Variants in IFT43 observed in about 807,000 individuals in gnomAD.
The protein encoded by IFT43 is intraflagellar transport protein 43 homolog.
IFT43 carries 33 observed loss-of-function variants against 32.3 expected under a neutral mutation model. That is an observed-to-expected ratio of 1.02 (90% CI 0.77 to 1.37). IFT43 has a LOEUF of 1.37. IFT43 is among the 40% of genes most tolerant of loss of function. IFT43 has a pLI of 0.00. For missense variants in IFT43, 274 were observed against 265.9 expected, an observed-to-expected ratio of 1.03 and a Z score of -0.21; for synonymous variants, 93 against 98.2, an observed-to-expected ratio of 0.95 and a Z score of 0.31.
intron 2 of IFT43, among the ~76,000 whole-genome samples, chr14:75,992,628 C>T (rs1216779797): frequency 6.6e-6 from 1 of 152,156 alleles, no homozygotes; most frequent in African/African-American, 2.4e-5. Flanking sequence ...TCACTGCAGC[C>T]TTGAACTCCC....
chr14:76,081,281 A>G (rs185544941), intron 5 of IFT43, among the ~76,000 whole-genome samples: 110 of 152,370 alleles, frequency 7.2e-4, no homozygotes, highest in African/African-American at 2.5e-3. Context: ...AGCAGAAATG[A>G]AAGATGTCTT....
chr14:76,018,705 T>C (rs2036236014), intron 2 of IFT43, among the ~76,000 whole-genome samples: 1 of 152,166 alleles, frequency 6.6e-6, no homozygotes, highest in Non-Finnish European at 1.5e-5. Flanking sequence ...AATATTTGCT[T>C]TTTATTATCT....
At chr14:76,018,758 A>G (rs1488879338) in intron 2 of IFT43, among the ~76,000 whole-genome samples, 1 of 152,078 alleles carries the variant, frequency 6.6e-6, no homozygotes. Context: ...GAACTGTTAT[A>G]TTGATCCCCT....
intron 3 of IFT43, among the ~76,000 whole-genome samples, chr14:76,040,199 T>C (rs1378138798): frequency 6.6e-6 from 1 of 152,168 alleles, no homozygotes; most frequent in African/African-American, 2.4e-5. Context: ...AAGCCAGTAC[T>C]TTGGCCTCTC....
chr14:75,997,801 A>G (rs2035775506), intron 2 of IFT43, among the ~76,000 whole-genome samples: 1 of 152,196 alleles, frequency 6.6e-6, no homozygotes, highest in Non-Finnish European at 1.5e-5. Flanking sequence ...AGCTACTATC[A>G]TCCCACCTGG....
At chr14:76,056,556 C>T (rs993055199) in intron 3 of IFT43, among the ~76,000 whole-genome samples, 2 of 152,134 alleles carry the variant, frequency 1.3e-5, no homozygotes, top group African/African-American at 2.4e-5. Flanking sequence ...AGGGAAGGAA[C>T]GATTCGGTCA....
At chr14:76,021,436 A>G (rs1298825900) in intron 2 of IFT43, among the ~76,000 whole-genome samples, 1 of 152,242 alleles carries the variant, frequency 6.6e-6, no homozygotes. Context: ...CCTGTCAGTC[A>G]TGTACATATA....
At chr14:75,991,058 C>T (rs2035628533) in intron 2 of IFT43, among the ~76,000 whole-genome samples, 2 of 152,176 alleles carry the variant, frequency 1.3e-5, no homozygotes, top group African/African-American at 4.8e-5. Flanking sequence ...AGGCTAGGCA[C>T]AGTGGCTGAT....
At position 76,076,651 on chromosome 14, in the gene IFT43, G is replaced by A. The variant is rs369555750; in HGVS notation, c.296-5644G>A. ...ATCTGAACGCATGCTATCACAAAAC[G>A]CATCACAGAGATTTGGGGCTGGCTT... On this transcript the variant is annotated intron_variant, in intron 5 of 8. Transcript: ENST00000314067. 23 of 1,614,026 alleles carry A rather than the reference G, an allele frequency of 1.4e-5. No homozygotes were observed. Among genetic ancestry groups the A allele is most frequent in the African/African-American group, 6.7e-5 (5 of 74,912 alleles).
intron 3 of IFT43, among the ~76,000 whole-genome samples, chr14:76,023,223 T>C (rs2036327758): frequency 6.6e-6 from 1 of 152,214 alleles, no homozygotes; most frequent in Non-Finnish European, 1.5e-5. Context: ...CCCTACAGGG[T>C]GATTCAAAGA....
intron 3 of IFT43, among the ~76,000 whole-genome samples, chr14:76,035,580 A>G (rs569983137): frequency 1.3e-5 from 2 of 152,284 alleles, no homozygotes; most frequent in African/African-American, 4.8e-5. Flanking sequence ...GTTGATTCCT[A>G]TTAGGCTAAA....
At chr14:76,068,343 G>A (rs1265286583) in intron 5 of IFT43, among the ~76,000 whole-genome samples, 1 of 152,226 alleles carries the variant, frequency 6.6e-6, no homozygotes, top group Non-Finnish European at 1.5e-5. Context: ...AGCTGATTCA[G>A]CAGAGATAGG....
chr14:76,030,873 A>T (rs977674673), intron 3 of IFT43, among the ~76,000 whole-genome samples: 1 of 151,842 alleles, frequency 6.6e-6, no homozygotes, highest in East Asian at 1.9e-4. Context: ...AATAGTTAAA[A>T]TTGTATAGAA....
chr14:76,047,965 C>A (rs1333252364), intron 3 of IFT43, among the ~76,000 whole-genome samples: 1 of 151,904 alleles, frequency 6.6e-6, no homozygotes, highest in African/African-American at 2.4e-5. Flanking sequence ...GGAGTCTGGC[C>A]CCTTCCGTTT....
chr14:76,057,388 A>C (rs895433562), intron 3 of IFT43, among the ~76,000 whole-genome samples: 4 of 151,770 alleles, frequency 2.6e-5, no homozygotes, highest in Non-Finnish European at 4.4e-5. Context: ...CCACCACCAT[A>C]CCTGGCTAAT....
rs748576209 is a variant in IFT43, at chr14:76,022,325, A to G, written c.148-2A>G. On this transcript the variant is annotated splice_acceptor_variant, in intron 2 of 8. Coordinates refer to ENST00000314067, the MANE Select transcript of IFT43 (RefSeq NM_001102564.3). LOFTEE classifies it high-confidence loss of function. ...GTTCTTTTGACTTCTCTTTCCTTGT[A>G]GACTTCCTCTGCTAAATTACCTCGC... 1 of 1,612,640 alleles carries G rather than the reference A, an allele frequency of 6.2e-7. No homozygotes were observed. Among genetic ancestry groups the G allele is most frequent in the Non-Finnish European group, 8.5e-7 (1 of 1,178,678 alleles).
At chr14:75,986,315 C>G (rs1428547235) in intron 1 of IFT43, 5 of 1,236,634 alleles carry the variant, frequency 4.0e-6, no homozygotes, top group Middle Eastern at 2.5e-4. Flanking sequence ...CCCGGTAATC[C>G]CCGTGGGGAG....
At position 76,080,127 on chromosome 14, in the gene IFT43, C is replaced by T. The variant is rs371806265; in HGVS notation, c.296-2168C>T. Reference sequence around the variant, plus strand: ...GGAGTTGGATGGCCTGCCTCTGCTGCGATGGCTCAAGCTGTCACTGCACAA... The same window carrying T: ...GGAGTTGGATGGCCTGCCTCTGCTGTGATGGCTCAAGCTGTCACTGCACAA... On this transcript the variant is annotated intron_variant, in intron 5 of 8. Coordinates refer to ENST00000314067, the MANE Select transcript of IFT43 (RefSeq NM_001102564.3). Among the ~76,000 whole-genome samples the T allele has an allele frequency of 1.2e-3, 181 of 152,324 alleles. 4 individuals are homozygous for T. The South Asian group carries it at 0.035, about 29-fold the overall frequency.
intron 3 of IFT43, among the ~76,000 whole-genome samples, chr14:76,037,918 C>T (rs2036632560): frequency 6.6e-6 from 1 of 152,024 alleles, no homozygotes; most frequent in Non-Finnish European, 1.5e-5. Context: ...AAAGGGTGTC[C>T]CTGGTAGGAC....
Sources: allele counts gnomAD v4.1 joint callset (sites outside exome capture counted in the v4.1 genomes callset), GRCh38; gene constraint gnomAD v4.1.1; transcripts MANE v1.5; gene names NCBI Gene and HGNC (gene_info 2026-07-23, HGNC 2026-07-21).